SLC15A5: variants seen among roughly 807,000 people sequenced by gnomAD.
The protein encoded by SLC15A5 is Peptide/histidine transporter ENSP00000340402.
In SLC15A5, 58 loss-of-function variants were observed where a neutral mutation model predicts 56.1. The observed-to-expected ratio is 1.03, with a 90% CI of 0.84 to 1.29. The LOEUF (loss-of-function observed/expected upper bound fraction) is 1.29. SLC15A5 is among the 50% of genes most tolerant of loss of function. The pLI is 0.00. For synonymous variants in SLC15A5, 264 were observed against 250.5 expected (o/e 1.05, Z -0.51); for missense variants, 681 against 672.1 (o/e 1.01, Z -0.15).
intron 1 of SLC15A5, among the ~76,000 whole-genome samples, 196 bp downstream of exon 1, chr12:16,277,129 A>AACACAC (rs59004314): frequency 0.026 from 3,848 of 150,248 alleles, 128 homozygotes; most frequent in African/African-American, 0.077. Flanking sequence ...AACATTCTCT[A>AACACAC]ACACACACAC....
Position 16,224,583 on chromosome 12 carries a change from A to G in SLC15A5, c.1182T>C (p.Ala394=). ...AGCCAGCTATCATCACAGACAATGC[A>G]GCAAAAAGATTTCCAGCAACTGAAG... ...STCIIAGNLF[A]ALSVMIAGFF... is the part of the protein sequence containing the mutation. The change falls in exon 6 of 9, where the codon GCT becomes GCC. Residue 394 remains alanine, a synonymous_variant. Transcript: ENST00000344941. 6.5e-7 allele frequency: 1 copy of G among 1,530,764 alleles called. No homozygotes were observed. Among genetic ancestry groups the G allele is most frequent in the Non-Finnish European group, 8.7e-7 (1 of 1,143,878 alleles). The allele number at this position is 1,530,764 out of a possible 1,614,324, so 94.8% of individuals were successfully genotyped here. A position where few individuals can be genotyped will look rare whatever the true frequency, so the allele number is the denominator to read the frequency against.
At position 16,243,050 on chromosome 12, in the gene SLC15A5, T is replaced by C. The variant is rs1232103938; in HGVS notation, c.975+1530A>G. Among the ~76,000 whole-genome samples the C allele has an allele frequency of 6.6e-6, 1 of 152,168 alleles. No individual in the cohort carries two copies. The highest frequency in any genetic ancestry group is 6.5e-5 in the Admixed American group (1 of 15,268). The stretch of plus-strand genomic sequence containing the variant: ...AAATTTTCTGTAAAGGGCCAGATAG[T>C]AAATATGTCCACATATGGGTTCCGT... On this transcript the variant is annotated intron_variant, in intron 4 of 8. Coordinates refer to ENST00000344941, the MANE Select transcript of SLC15A5 (RefSeq NM_001170798.1). The surrounding 1 kb of genome is among the most constrained non-coding windows in gnomAD (Gnocchi z 4.4).
chr12:16,228,155 G>A (rs574296445), intron 5 of SLC15A5, among the ~76,000 whole-genome samples: 2 of 152,312 alleles, frequency 1.3e-5, no homozygotes, highest in East Asian at 3.9e-4. Context: ...AAAGAGAAAC[G>A]ATCAGAAGAC....
intron 5 of SLC15A5, among the ~76,000 whole-genome samples, chr12:16,238,587 G>A (rs1266670056): frequency 4.5e-5 from 6 of 133,800 alleles, no homozygotes; most frequent in African/African-American, 1.4e-4. Context: ...CCGAGATAGC[G>A]CCACTGCACT....
chr12:16,225,522 A>G (rs1864232473), intron 5 of SLC15A5, among the ~76,000 whole-genome samples: 1 of 152,230 alleles, frequency 6.6e-6, no homozygotes, highest in Admixed American at 6.5e-5. Flanking sequence ...CAGGCAACCT[A>G]CAGAATGGGA....
intron 7 of SLC15A5, among the ~76,000 whole-genome samples, chr12:16,204,317 C>T (rs1306289522): frequency 1.3e-5 from 2 of 151,266 alleles, no homozygotes; most frequent in Non-Finnish European, 2.9e-5. Flanking sequence ...ATTAGCCTGG[C>T]ATGGTGGCAG....
rs1439342564 is a variant in SLC15A5 at position 16,224,522 on chromosome 12, C to G, written c.1243G>C (p.Glu415Gln). The G allele has an allele frequency of 2.6e-6, 4 of 1,537,000 alleles. No individual in the cohort carries two copies. The highest frequency in any genetic ancestry group is 2.0e-5 in the Admixed American group (1 of 50,966). ...AGAACTTTTCCTGAAAGGGGCTGCT[C>G]CACTGCAGGGAAATGTTTTCGGTGT... ...EIHRKHFPAV[E>Q]QPLSGKVLTV... Residue 415 changes from glutamate (E) to glutamine (Q), a missense_variant, in exon 6 of 9, where the codon GAG becomes CAG. Coordinates refer to ENST00000344941, the MANE Select transcript of SLC15A5 (RefSeq NM_001170798.1).
chr12:16,239,669 A>G lies in SLC15A5; in HGVS notation c.1162+12T>C. 6.5e-7 allele frequency: 1 copy of G among 1,533,798 alleles called. No individual in the cohort carries two copies. Among genetic ancestry groups the G allele is most frequent in the Non-Finnish European group, 8.7e-7 (1 of 1,145,270 alleles). ...TCAAACGATTCGCATGAAATGGTTA[A>G]ATTGTACTTACTGATGCATGTTGAC... On this transcript the variant is annotated intron_variant, in intron 5 of 8. Coordinates refer to ENST00000344941, the MANE Select transcript of SLC15A5 (RefSeq NM_001170798.1).
At chr12:16,225,224 T>G (rs1286864787) in intron 5 of SLC15A5, among the ~76,000 whole-genome samples, 1 of 152,200 alleles carries the variant, frequency 6.6e-6, no homozygotes, top group Non-Finnish European at 1.5e-5. Context: ...ATGATTTATA[T>G]TCCTTTGGGT....
Position 16,192,712 on chromosome 12 carries a change from G to A in SLC15A5, c.1592+1633C>T, listed in dbSNP as rs565828673. On this transcript the variant is annotated intron_variant, in intron 8 of 8. Transcript: ENST00000344941. ...CCAGTGCCATTTCTACCTGAACTCT[G>A]TGCATGACTGCGGTCATCTTGGCCA... Among the ~76,000 whole-genome samples the A allele has an allele frequency of 1.3e-4, 20 of 152,112 alleles. 1 individual carries two copies. Among genetic ancestry groups the A allele is most frequent in the Non-Finnish European group, 2.6e-4 (18 of 67,978 alleles).
At chr12:16,234,002 C>CA (rs1313665788) in intron 5 of SLC15A5, among the ~76,000 whole-genome samples, 3 of 151,880 alleles carry the variant, frequency 2.0e-5, no homozygotes, top group African/African-American at 7.2e-5. Flanking sequence ...TGCTGTTATT[C>CA]AAAAAAAGTG....
At chr12:16,215,342 G>A (rs1394314269) in intron 7 of SLC15A5, among the ~76,000 whole-genome samples, 4 of 151,994 alleles carry the variant, frequency 2.6e-5, no homozygotes, top group Non-Finnish European at 5.9e-5. Flanking sequence ...AGATAAACTG[G>A]TAGTAATATT....
At chr12:16,265,024 G>A (rs1016088430) in intron 2 of SLC15A5, among the ~76,000 whole-genome samples, 12 of 152,182 alleles carry the variant, frequency 7.9e-5, no homozygotes, top group Admixed American at 2.6e-4. Flanking sequence ...GGGCCTTGAA[G>A]TTCATGGCAA....
At chr12:16,219,557 C>G (rs537377106) in intron 6 of SLC15A5, among the ~76,000 whole-genome samples, 1 of 152,276 alleles carries the variant, frequency 6.6e-6, no homozygotes, top group South Asian at 2.1e-4. Context: ...GCTAGAACTT[C>G]TGGTACGGTA....
At chr12:16,270,719 A>G (rs555144162) in intron 2 of SLC15A5, among the ~76,000 whole-genome samples, 26 of 152,342 alleles carry the variant, frequency 1.7e-4, no homozygotes, top group African/African-American at 6.0e-4. Context: ...CCTAAGTGAC[A>G]GAGCCAGGAT....
intron 6 of SLC15A5, among the ~76,000 whole-genome samples, chr12:16,220,222 C>T (rs940267477): frequency 6.6e-6 from 1 of 152,208 alleles, no homozygotes; most frequent in Non-Finnish European, 1.5e-5. Flanking sequence ...CTTTGAAGCT[C>T]ATGTTATCAG....
At chr12:16,276,137 T>C (rs1864815996) in intron 1 of SLC15A5, among the ~76,000 whole-genome samples, 1 of 152,000 alleles carries the variant, frequency 6.6e-6, no homozygotes, top group Non-Finnish European at 1.5e-5. Flanking sequence ...ATAAGAAATA[T>C]TTGTTGAATG....
chr12:16,271,102 A>T lies in SLC15A5; in HGVS notation c.584+1459T>A, dbSNP rs1215233537. Reference sequence around the variant, plus strand: ...TGGCCTGGTTCCTTACAGCTGCAGAAATTCATTTTCACCCCATTCCCCATC... The same window carrying T: ...TGGCCTGGTTCCTTACAGCTGCAGATATTCATTTTCACCCCATTCCCCATC... On this transcript the variant is annotated intron_variant, in intron 2 of 8. Coordinates refer to ENST00000344941, the MANE Select transcript of SLC15A5 (RefSeq NM_001170798.1). The surrounding 1 kb of genome is among the most constrained non-coding windows in gnomAD (Gnocchi z 8.0). Among the ~76,000 whole-genome samples the T allele has an allele frequency of 1.3e-5, 2 of 152,134 alleles. No homozygotes were observed. Among genetic ancestry groups the T allele is most frequent in the Non-Finnish European group, 2.9e-5 (2 of 68,028 alleles).
intron 2 of SLC15A5, among the ~76,000 whole-genome samples, chr12:16,260,086 G>C (rs906922415): frequency 3.3e-5 from 5 of 152,182 alleles, no homozygotes; most frequent in African/African-American, 1.2e-4. Flanking sequence ...GAATATGCAG[G>C]GGAGGCAGTG....
Sources: gnomAD v4.1 joint callset for allele counts (sites outside exome capture counted in the v4.1 genomes callset) on GRCh38, gnomAD v4.1.1 for gene constraint, Gnocchi (gnomAD v3.1) non-coding constraint, MANE v1.5 for transcripts, NCBI Gene and HGNC (gene_info 2026-07-23, HGNC 2026-07-21) for gene names.